VWA5A: variants seen among roughly 807,000 people sequenced by gnomAD.
VWA5A encodes von Willebrand factor A domain containing 5A.
In VWA5A, 77 loss-of-function variants were observed where a neutral mutation model predicts 84.6. The observed-to-expected ratio is 0.91, with a 90% CI of 0.76 to 1.10. VWA5A has a LOEUF of 1.10. Among genes scored for constraint, VWA5A ranks in the 50% least tolerant of loss-of-function variants. VWA5A has a pLI of 0.00. For missense variants in VWA5A, 973 were observed against 963.0 expected (o/e 1.01, Z -0.14); for synonymous variants, 334 against 350.1 (o/e 0.95, Z 0.51).
intron 11 of VWA5A, among the ~76,000 whole-genome samples, chr11:124,130,559 T>C (rs1262308941): frequency 6.6e-6 from 1 of 152,172 alleles, no homozygotes; most frequent in Non-Finnish European, 1.5e-5. Context: ...CATTGATCTG[T>C]CTAATATTGA....
intron 11 of VWA5A, among the ~76,000 whole-genome samples, chr11:124,128,262 A>T (rs1865048631): frequency 6.6e-6 from 1 of 152,188 alleles, no homozygotes; most frequent in Admixed American, 6.5e-5. Flanking sequence ...CCATTTATTA[A>T]ATAGGAAATC....
intron 7 of VWA5A, 126 bp from the exon 8 acceptor site, chr11:124,122,834 G>T (rs1864951196): frequency 2.1e-6 from 2 of 931,918 alleles, no homozygotes; most frequent in Non-Finnish European, 3.2e-6. Context: ...TATGGTACAT[G>T]AATCATCACA....
intron 14 of VWA5A, 82 bp downstream of exon 14, chr11:124,136,756 C>G: frequency 3.1e-6 from 2 of 645,236 alleles, no homozygotes; most frequent in Non-Finnish European, 5.0e-6. Context: ...TTCATTCCCT[C>G]CCTCCCTCCC....
At chr11:124,134,874 C>T (rs1282907197) in intron 11 of VWA5A, 46 bp from the exon 12 acceptor site, 1 of 1,441,246 alleles carries the variant, frequency 6.9e-7, no homozygotes, top group Admixed American at 2.1e-5. Flanking sequence ...TTTATATTTT[C>T]ACTGTTTAAT....
chr11:124,145,964 G>T lies in VWA5A; in HGVS notation c.*19G>T. Reference sequence around the variant, plus strand: ...CTTTTGAAGATACCATCCAGAAAAAGAAGTGCCTTTAATTTGCTACTGTCA... The same window carrying T: ...CTTTTGAAGATACCATCCAGAAAAATAAGTGCCTTTAATTTGCTACTGTCA... On this transcript the variant is annotated 3_prime_UTR_variant, in exon 19 of 19. Transcript: ENST00000456829. 1 of 1,572,692 alleles carries T rather than the reference G, an allele frequency of 6.4e-7. No homozygotes were observed. Among genetic ancestry groups the T allele is most frequent in the Non-Finnish European group, 8.7e-7 (1 of 1,155,178 alleles).
At chr11:124,145,402 C>G (rs1286293610) in intron 18 of VWA5A, 39 bp downstream of exon 18, 1 of 1,569,236 alleles carries the variant, frequency 6.4e-7, no homozygotes, top group Non-Finnish European at 8.6e-7. Flanking sequence ...CTTCCCCTTC[C>G]CTGGCCTGGC....
Position 124,135,091 on chromosome 11 carries a change from C to T in VWA5A, c.1359+57C>T, listed in dbSNP as rs538435424. 353 of 1,474,394 alleles carry T rather than the reference C, an allele frequency of 2.4e-4. 3 individuals carry two copies. The South Asian group carries it at 4.0e-3, about 17-fold the overall frequency. 91.3% of individuals were successfully genotyped at this position (1,474,394 alleles called of 1,614,324 possible). A position where few individuals can be genotyped will look rare whatever the true frequency, so the allele number is the denominator to read the frequency against. Reference sequence around the variant, plus strand: ...GGTGGCAATCCAGACCAAAGTGGAACGGGGTGGGGAACACTGTGTAAGGGC... The same window carrying T: ...GGTGGCAATCCAGACCAAAGTGGAATGGGGTGGGGAACACTGTGTAAGGGC... On this transcript the variant is annotated intron_variant, in intron 12 of 18. Coordinates refer to ENST00000456829, the MANE Select transcript of VWA5A (RefSeq NM_001130142.2).
At chr11:124,119,159 A>G in intron 7 of VWA5A, 70 bp downstream of exon 7, 1 of 1,381,700 alleles carries the variant, frequency 7.2e-7, no homozygotes, top group South Asian at 1.2e-5. Context: ...CTGTCGAATT[A>G]CTCTCTTTTC....
chr11:124,120,760 C>G (rs1457478902), intron 7 of VWA5A, among the ~76,000 whole-genome samples: 1 of 152,144 alleles, frequency 6.6e-6, no homozygotes, highest in Non-Finnish European at 1.5e-5. Flanking sequence ...CCTTGGGTGT[C>G]CATGAAATAT....
rs1864970040 is a variant in VWA5A at position 124,123,687 on chromosome 11, A to G, written c.1047A>G (p.Thr349=). 1 of 1,613,942 alleles carries G rather than the reference A, an allele frequency of 6.2e-7. No individual in the cohort carries two copies. Among genetic ancestry groups the G allele is most frequent in the African/African-American group, 1.3e-5 (1 of 74,854 alleles). Residue 349 remains threonine (T), a synonymous_variant, in exon 10 of 19, where the codon ACA becomes ACG. Coordinates refer to ENST00000456829, the MANE Select transcript of VWA5A (RefSeq NM_001130142.2). ...FPESVKYTQQ[T]MEEALGRVKL... is the part of the protein sequence containing the mutation. ...AGAGTGTGAAGTACACTCAGCAAACAATGGAGGAGGCTCTGGGGAGAGTGA... is the reference window on the plus strand; with the variant it reads ...AGAGTGTGAAGTACACTCAGCAAACGATGGAGGAGGCTCTGGGGAGAGTGA...
At chr11:124,121,351 A>G (rs972193882) in intron 7 of VWA5A, among the ~76,000 whole-genome samples, 3 of 152,152 alleles carry the variant, frequency 2.0e-5, no homozygotes, top group East Asian at 1.9e-4. Flanking sequence ...CCTTAAGTAC[A>G]TTATATTACT....
chr11:124,119,116 T>C, intron 7 of VWA5A, 27 bp downstream of exon 7: 9 of 1,587,860 alleles, frequency 5.7e-6, no homozygotes, highest in Non-Finnish European at 7.8e-6. Context: ...TTTGTAGTCA[T>C]CCCCTAAGGG....
chr11:124,141,457 G>A, intron 15 of VWA5A, 141 bp from the exon 16 acceptor site: 2 of 1,002,332 alleles, frequency 2.0e-6, no homozygotes, highest in Non-Finnish European at 2.9e-6. Context: ...CAGGAGGTGG[G>A]CATATGAGAG....
chr11:124,124,645 G>A, intron 11 of VWA5A: 1 of 878,720 alleles, frequency 1.1e-6, no homozygotes, highest in East Asian at 9.7e-5. Flanking sequence ...CATACAACTG[G>A]ACTCATTATC....
chr11:124,145,332 G>C lies in VWA5A; in HGVS notation c.2250G>C (p.Arg750Ser), dbSNP rs776596042. The C allele has an allele frequency of 3.1e-6, 5 of 1,613,890 alleles. No individual in the cohort carries two copies. In the Admixed American group the frequency reaches 8.3e-5, roughly 27 times the overall value. The change falls in exon 18 of 19, where the codon AGG becomes AGC. Residue 750 changes from arginine (R) to serine (S), a missense_variant. By Grantham distance (110) the Arg-to-Ser change is moderately radical. Transcript: ENST00000456829. ...AGTGTGAATGGGAGCTTCTGGAAAGGAAGGCCGTGGCCTGGATGCGTGCCC... is the reference window on the plus strand; with the variant it reads ...AGTGTGAATGGGAGCTTCTGGAAAGCAAGGCCGTGGCCTGGATGCGTGCCC... ...DLKCEWELLE[R>S]KAVAWMRAHA...
At chr11:124,144,020 C>T (rs1170471621) in intron 17 of VWA5A, among the ~76,000 whole-genome samples, 2 of 151,862 alleles carry the variant, frequency 1.3e-5, no homozygotes, top group African/African-American at 4.8e-5. Flanking sequence ...TTTAGACCCA[C>T]CAGGCTCTGA....
At chr11:124,124,142 T>C in intron 10 of VWA5A, 95 bp from the exon 11 acceptor site, 1 of 1,188,938 alleles carries the variant, frequency 8.4e-7, no homozygotes, top group Non-Finnish European at 1.2e-6. Context: ...CACCAGAGCC[T>C]CTGCAATGAA....
chr11:124,138,823 G>A (rs977013332), intron 15 of VWA5A, among the ~76,000 whole-genome samples: 2 of 152,212 alleles, frequency 1.3e-5, no homozygotes, highest in Admixed American at 6.5e-5. Context: ...GCCTGTGCTT[G>A]TGAGGTCATA....
chr11:124,123,603 C>A, intron 9 of VWA5A, 57 bp from the exon 10 acceptor site: 1 of 1,613,894 alleles, frequency 6.2e-7, no homozygotes, highest in Non-Finnish European at 8.5e-7. Context: ...TTCAGGGACT[C>A]TATACTGGGC....
Sources: gnomAD v4.1 joint callset for allele counts (sites outside exome capture counted in the v4.1 genomes callset) on GRCh38, gnomAD v4.1.1 for gene constraint, MANE v1.5 for transcripts, NCBI Gene and HGNC (gene_info 2026-07-23, HGNC 2026-07-21) for gene names.